Variants in CCDC171 observed in about 807,000 individuals in gnomAD.
CCDC171 encodes coiled-coil domain-containing protein 171.
In CCDC171, 177 loss-of-function variants were observed where a neutral mutation model predicts 168.2. The ratio of observed to expected loss-of-function variants is 1.05; its 90% CI spans 0.93 to 1.19. The LOEUF is 1.19. Ranked by LOEUF, CCDC171 falls within the 50% of genes most tolerant of loss-of-function variation. CCDC171 has a pLI of 0.00. For synonymous variants in CCDC171, 687 were observed against 540.8 expected, an observed-to-expected ratio of 1.27 and a Z score of -3.75; for missense variants, 1,991 against 1,539.0, an observed-to-expected ratio of 1.29 and a Z score of -4.91.
rs564833228 is a variant in CCDC171 at position 15,907,770 on chromosome 9, G to T, written c.3601-12500G>T. 2.6e-5 allele frequency among the ~76,000 whole-genome samples: 4 copies of T among 152,218 alleles called. No homozygotes were observed. The South Asian group carries it at 8.3e-4, about 32-fold the overall frequency. Reference sequence around the variant, plus strand: ...TCGCAATCTAGTCATCTGACAAAGGGCTAATATCCAGAATCTACCATGAAC... The same window carrying T: ...TCGCAATCTAGTCATCTGACAAAGGTCTAATATCCAGAATCTACCATGAAC... On this transcript the variant is annotated intron_variant, in intron 24 of 25. Coordinates refer to ENST00000380701, the MANE Select transcript of CCDC171 (RefSeq NM_173550.4).
At chr9:15,796,055 A>G (rs1314326697) in intron 21 of CCDC171, among the ~76,000 whole-genome samples, 1 of 152,372 alleles carries the variant, frequency 6.6e-6, no homozygotes, top group South Asian at 2.1e-4. Context: ...TGAATTACAC[A>G]TCAAATGAGA....
At chr9:16,067,219 T>G in the CCDC171 span, among the ~76,000 whole-genome samples, 1 of 152,114 alleles carries the variant, frequency 6.6e-6, no homozygotes, top group African/African-American at 2.4e-5. Context: ...CCAGTGATGA[T>G]GAGCATTTTT....
chr9:15,604,588 G>T (rs1312264708), intron 6 of CCDC171, among the ~76,000 whole-genome samples: 2 of 152,174 alleles, frequency 1.3e-5, no homozygotes, highest in African/African-American at 4.8e-5. Flanking sequence ...GGGGGAGTTT[G>T]TGACGGTATG....
chr9:15,933,236 T>C (rs1826735280), intron 25 of CCDC171, among the ~76,000 whole-genome samples: 1 of 152,026 alleles, frequency 6.6e-6, no homozygotes, highest in Non-Finnish European at 1.5e-5. Context: ...TTTTCTTTGA[T>C]GGAAGATGTT....
intron 21 of CCDC171, among the ~76,000 whole-genome samples, chr9:15,800,849 A>T (rs2058787903): frequency 6.6e-6 from 1 of 152,002 alleles, no homozygotes; most frequent in Non-Finnish European, 1.5e-5. Flanking sequence ...AATTTTCCCT[A>T]CACTATTTAT....
At chr9:15,702,705 G>A (rs940929258) in intron 11 of CCDC171, among the ~76,000 whole-genome samples, 4 of 152,158 alleles carry the variant, frequency 2.6e-5, no homozygotes, top group African/African-American at 4.8e-5. Flanking sequence ...ACCTGCATCG[G>A]GGATTTTAGC....
At chr9:15,649,828 G>T (rs919316813) in intron 7 of CCDC171, among the ~76,000 whole-genome samples, 19 of 152,214 alleles carry the variant, frequency 1.2e-4, no homozygotes, top group African/African-American at 4.6e-4. Context: ...AACCATTGTG[G>T]AAGACAGTGT....
intron 25 of CCDC171, among the ~76,000 whole-genome samples, chr9:15,946,389 G>C (rs183664466): frequency 2.8e-3 from 419 of 152,040 alleles, no homozygotes; most frequent in African/African-American, 9.2e-3. Context: ...GACAAACAGA[G>C]AGCCGAATCA....
At chr9:16,035,556 G>C (rs1403406422) in intron 7 of CCDC171, 1 of 152,166 alleles carries the variant, frequency 6.6e-6, no homozygotes, top group Non-Finnish European at 1.5e-5. Flanking sequence ...TCCACTCCAA[G>C]TTCCAAGCAT....
intron 25 of CCDC171, chr9:15,922,352 T>C (rs1243280018): frequency 5.5e-6 from 1 of 182,538 alleles, no homozygotes; most frequent in African/African-American, 2.3e-5. Context: ...ATGCATTTAC[T>C]AACTTGAACT....
At chr9:16,057,794 A>T (rs971541497) in intron 1 of CCDC171, among the ~76,000 whole-genome samples, 2 of 152,158 alleles carry the variant, frequency 1.3e-5, no homozygotes, top group Non-Finnish European at 2.9e-5. Flanking sequence ...CTCCCCCCAG[A>T]TGATATTCCT....
chr9:15,825,808 G>A (rs1282361501), intron 21 of CCDC171, among the ~76,000 whole-genome samples: 1 of 152,178 alleles, frequency 6.6e-6, no homozygotes, highest in Non-Finnish European at 1.5e-5. Flanking sequence ...TTTATTTCAA[G>A]TGAGTATAAT....
At chr9:15,795,041 A>C (rs2058481452) in intron 21 of CCDC171, among the ~76,000 whole-genome samples, 1 of 152,210 alleles carries the variant, frequency 6.6e-6, no homozygotes, top group African/African-American at 2.4e-5. Context: ...TTGCTATGAC[A>C]AAATAGCACA....
At chr9:15,951,663 G>GT (rs995095776) in intron 25 of CCDC171, among the ~76,000 whole-genome samples, 15 of 152,000 alleles carry the variant, frequency 9.9e-5, no homozygotes, top group African/African-American at 3.4e-4. Context: ...TGGTTTGTTT[G>GT]TTTTTTGGAG....
chr9:15,670,408 G>C (rs1458365076), intron 9 of CCDC171, among the ~76,000 whole-genome samples: 1 of 151,968 alleles, frequency 6.6e-6, no homozygotes, highest in African/African-American at 2.4e-5. Flanking sequence ...GGTACTGTTA[G>C]GCTCATGAAA....
intron 24 of CCDC171, among the ~76,000 whole-genome samples, chr9:15,907,091 T>A (rs1450069631): frequency 6.6e-6 from 1 of 152,168 alleles, no homozygotes; most frequent in Non-Finnish European, 1.5e-5. Flanking sequence ...CCAAGGTAAT[T>A]TAGAGATTCA....
intron 23 of CCDC171, among the ~76,000 whole-genome samples, chr9:15,872,779 A>G (rs959763986): frequency 6.6e-6 from 1 of 152,022 alleles, no homozygotes; most frequent in Admixed American, 6.6e-5. Context: ...TAGTGGTTTG[A>G]TGTTGATAAA....
chr9:15,655,497 A>G (rs1338558442), intron 7 of CCDC171, among the ~76,000 whole-genome samples: 1 of 152,190 alleles, frequency 6.6e-6, no homozygotes, highest in African/African-American at 2.4e-5. Flanking sequence ...GTATTCAAAA[A>G]TAAAGATCTT....
intron 6 of CCDC171, among the ~76,000 whole-genome samples, chr9:15,610,021 C>T (rs2043533181): frequency 6.6e-6 from 1 of 152,004 alleles, no homozygotes; most frequent in South Asian, 2.1e-4. Context: ...TTTTATATTG[C>T]AGCCTTTCTA....
Sources: gnomAD v4.1 joint callset for allele counts (sites outside exome capture counted in the v4.1 genomes callset) on GRCh38, gnomAD v4.1.1 for gene constraint, MANE v1.5 for transcripts, NCBI Gene and HGNC (gene_info 2026-07-23, HGNC 2026-07-21) for gene names.